Variants in SSH2 observed in about 807,000 individuals in gnomAD.
The protein encoded by SSH2 is slingshot protein phosphatase 2.
SSH2 carries 37 observed loss-of-function variants against 135.2 expected under a neutral mutation model. That is an observed-to-expected ratio of 0.27 (90% confidence interval 0.21 to 0.36). The LOEUF (loss-of-function observed/expected upper bound fraction) is 0.36. Among genes scored for constraint, SSH2 ranks in the 10% least tolerant of loss-of-function variants. SSH2 has a pLI of 1.00. For synonymous variants in SSH2, 628 were observed against 646.2 expected, an observed-to-expected ratio of 0.97 and a Z score of 0.43; for missense variants, 1,408 against 1,765.3, an observed-to-expected ratio of 0.80 and a Z score of 3.63.
chr17:29,679,651 C>A (rs2037884759), intron 6 of SSH2, among the ~76,000 whole-genome samples: 1 of 152,192 alleles, frequency 6.6e-6, no homozygotes, highest in African/African-American at 2.4e-5. Flanking sequence ...GGTGATCCAC[C>A]CGCCTTGGCC....
intron 1 of SSH2, chr17:29,863,428 G>T (rs185191683): frequency 1.3e-5 from 2 of 152,310 alleles, no homozygotes; most frequent in East Asian, 3.9e-4. Flanking sequence ...GGTCTTCAAG[G>T]CTTGAGGACA....
chr17:29,718,110 C>T (rs183591253), intron 3 of SSH2, among the ~76,000 whole-genome samples: 9 of 152,262 alleles, frequency 5.9e-5, no homozygotes, highest in African/African-American at 2.2e-4. Context: ...CTGTAAAATC[C>T]AATGAACATT....
rs750724596 is a variant in SSH2 at position 29,676,867 on chromosome 17, C to T, written c.567G>A (p.Thr189=). The change falls in exon 8 of 16, where the codon ACG becomes ACA. Residue 189 remains threonine (T), a synonymous_variant. Transcript: ENST00000540801. The part of the protein sequence containing the change: ...LDGDGGFSVS[T]DNRVHIFKPV... ...GTTTGAATATGTGAACTCTGTTATC[C>T]GTCGATACACTGAACCCACTAAGGA... 3.7e-6 allele frequency: 6 copies of T among 1,613,622 alleles called. No homozygotes were observed. The highest frequency in any genetic ancestry group is 5.1e-6 in the Non-Finnish European group (6 of 1,179,826).
At chr17:29,867,994 A>G (rs1599116754) in intron 1 of SSH2, among the ~76,000 whole-genome samples, 1 of 152,230 alleles carries the variant, frequency 6.6e-6, no homozygotes, top group African/African-American at 2.4e-5. Flanking sequence ...ATGTCCTCAC[A>G]CTGTAACAAG....
intron 1 of SSH2, among the ~76,000 whole-genome samples, chr17:29,855,586 A>AAG (rs74276631): frequency 0.58 from 87,645 of 151,804 alleles, 25,932 homozygotes; most frequent in East Asian, 0.82. Flanking sequence ...CTTTGGGAGT[A>AAG]AGCTTTTAAT....
chr17:29,920,190 C>A (rs185073302), intron 1 of SSH2, among the ~76,000 whole-genome samples: 2 of 152,152 alleles, frequency 1.3e-5, no homozygotes, highest in African/African-American at 4.8e-5. Flanking sequence ...CATGAGCCAC[C>A]GCGCCCAGCT....
chr17:29,660,744 T>C (rs192117734), intron 11 of SSH2, among the ~76,000 whole-genome samples: 41 of 152,160 alleles, frequency 2.7e-4, no homozygotes, highest in African/African-American at 9.6e-4. Context: ...CTTCATGACT[T>C]CATAGAAATA....
chr17:29,684,591 G>T lies in SSH2; in HGVS notation c.451C>A (p.Leu151Ile). Residue 151 changes from leucine (L) to isoleucine (I), a missense_variant, in exon 6 of 16, where the codon CTA (leucine) becomes ATA (isoleucine). This residue lies in a region of SSH2 where 222 missense variants were observed against 355.6 expected (regional missense o/e 0.62). Transcript: ENST00000540801. ...TCATTAGAGGAGAAATCCATTCCTAGGACGATGCTTTCTTCAGTGTCTTGT... is the reference window on the plus strand; with the variant it reads ...TCATTAGAGGAGAAATCCATTCCTATGACGATGCTTTCTTCAGTGTCTTGT... ...GRQDTEESIV[L>I]GMDFSSNDSS... 6.2e-7 allele frequency: 1 copy of T among 1,613,274 alleles called. No individual in the cohort carries two copies. Among genetic ancestry groups the T allele is most frequent in the South Asian group, 1.1e-5 (1 of 91,042 alleles).
At chr17:29,836,611 C>T (rs1008163220) in intron 2 of SSH2, among the ~76,000 whole-genome samples, 1 of 152,180 alleles carries the variant, frequency 6.6e-6, no homozygotes. Flanking sequence ...TTTTTACTAA[C>T]CAGGCACATG....
chr17:29,685,966 A>G (rs2151081345), intron 5 of SSH2, among the ~76,000 whole-genome samples: 1 of 149,766 alleles, frequency 6.7e-6, no homozygotes, highest in East Asian at 2.0e-4. Context: ...CTCCTGCCTC[A>G]GCCTCCCGAG....
intron 1 of SSH2, among the ~76,000 whole-genome samples, chr17:29,868,501 G>A (rs989327099): frequency 2.0e-5 from 3 of 152,176 alleles, no homozygotes; most frequent in African/African-American, 4.8e-5. Context: ...AGTTTGGGAG[G>A]CCGAGGCGGG....
rs540074955 is a variant in SSH2, at chr17:29,864,644, T to TA, written c.64-15716dup. 7.0e-3 allele frequency among the ~76,000 whole-genome samples: 962 copies of TA among 138,046 alleles called. 10 individuals are homozygous for TA. Among genetic ancestry groups the TA allele is most frequent in the South Asian group, 0.012 (52 of 4,442 alleles). 90.6% of individuals were successfully genotyped at this position (138,046 alleles called of 152,430 possible). On this transcript the variant is annotated intron_variant, in intron 1 of 15. Transcript: ENST00000540801. Reference sequence around the variant, plus strand: ...ACACAGAGATAATCTGAATACTTACTAAAAAAAAAAAAAAAGAAACAACGC... The same window carrying TA: ...ACACAGAGATAATCTGAATACTTACTAAAAAAAAAAAAAAAAGAAACAACGC...
chr17:29,752,541 TTAAA>T (rs1567948060), intron 3 of SSH2, among the ~76,000 whole-genome samples: 1 of 152,014 alleles, frequency 6.6e-6, no homozygotes, highest in Admixed American at 6.6e-5. Flanking sequence ...TTTTAAAGAG[TTAAA>T]TATTTAAAAA....
At chr17:29,878,777 T>C (rs904068489) in intron 1 of SSH2, among the ~76,000 whole-genome samples, 8 of 152,202 alleles carry the variant, frequency 5.3e-5, no homozygotes, top group African/African-American at 1.9e-4. Context: ...CTAAATATAC[T>C]ATGTTATGAT....
intron 2 of SSH2, among the ~76,000 whole-genome samples, chr17:29,807,832 C>CTTTT (rs58284055): frequency 5.1e-4 from 48 of 94,358 alleles, no homozygotes; most frequent in African/African-American, 1.1e-3. Context: ...GTTTTGATGG[C>CTTTT]TTTTTTTTTT....
At chr17:29,893,112 G>T (rs974525339) in intron 1 of SSH2, among the ~76,000 whole-genome samples, 4 of 151,948 alleles carry the variant, frequency 2.6e-5, no homozygotes, top group Non-Finnish European at 5.9e-5. Context: ...TATCCTAACT[G>T]CCAAAGTCAA....
chr17:29,638,600 G>A (rs547994007), intron 14 of SSH2, among the ~76,000 whole-genome samples: 2 of 151,280 alleles, frequency 1.3e-5, no homozygotes, highest in Admixed American at 1.3e-4. Context: ...CTGGAGTGCA[G>A]TGAAACGATC....
chr17:29,860,438 C>CTTTTTTT (rs376815701), intron 1 of SSH2, among the ~76,000 whole-genome samples: 1 of 114,280 alleles, frequency 8.8e-6, no homozygotes, highest in African/African-American at 3.3e-5. Context: ...CCTTTGCCCA[C>CTTTTTTT]TTTTTTTTTT....
chr17:29,721,004 A>T (rs776031382), intron 3 of SSH2, among the ~76,000 whole-genome samples: 31 of 152,326 alleles, frequency 2.0e-4, no homozygotes, highest in Middle Eastern at 3.4e-3. Context: ...TTAATTTATT[A>T]AGCTTTCTTG....
Sources: allele counts gnomAD v4.1 joint callset (sites outside exome capture counted in the v4.1 genomes callset), GRCh38; gene constraint gnomAD v4.1.1; regional missense constraint gnomAD v4.1.1; transcripts MANE v1.5; gene names NCBI Gene and HGNC (gene_info 2026-07-23, HGNC 2026-07-21).